CENPP: variants seen among roughly 807,000 people sequenced by gnomAD.
CENPP encodes centromere protein P.
Under a neutral mutation model 35.6 loss-of-function variants are expected in CENPP, and 24 were observed. The ratio of observed to expected loss-of-function variants is 0.67; its 90% CI spans 0.49 to 0.95. The LOEUF is 0.95. Ranked by LOEUF, CENPP falls within the 40% of genes least tolerant of loss-of-function variation. CENPP has a pLI of 0.00. For synonymous variants in CENPP, 120 were observed against 125.5 expected (o/e 0.96, Z 0.29); for missense variants, 332 against 345.3 (o/e 0.96, Z 0.31).
In CENPP at chr9:92,336,305, A is replaced by G. The variant is rs558353438; in HGVS notation, c.290-1236A>G. ...TTGTACCATTCTGTCTTTTTTTCCT[A>G]ACTACTTATTGAACAAATCTTTAAC... On this transcript the variant is annotated intron_variant, in intron 2 of 7. Coordinates refer to ENST00000375587, the MANE Select transcript of CENPP (RefSeq NM_001012267.3). 3.3e-5 allele frequency among the ~76,000 whole-genome samples: 5 copies of G among 152,178 alleles called. 1 individual carries two copies. Among genetic ancestry groups the G allele is most frequent in the Admixed American group, 2.0e-4 (3 of 15,292 alleles).
intron 5 of CENPP, among the ~76,000 whole-genome samples, chr9:92,502,319 C>T (rs766317963): frequency 2.0e-5 from 3 of 152,092 alleles, no homozygotes; most frequent in Non-Finnish European, 4.4e-5. Context: ...AGTCATGCAG[C>T]GCACAGGTTG....
At chr9:92,412,167 A>G (rs1435646680) in intron 5 of CENPP, among the ~76,000 whole-genome samples, 2 of 152,006 alleles carry the variant, frequency 1.3e-5, no homozygotes, top group Admixed American at 6.6e-5. Context: ...GCTCACTGCA[A>G]CCTTGGTCTC....
intron 5 of CENPP, among the ~76,000 whole-genome samples, chr9:92,382,030 C>A (rs1236462221): frequency 6.6e-6 from 1 of 150,558 alleles, no homozygotes; most frequent in Non-Finnish European, 1.5e-5. Flanking sequence ...ATTTGTATAT[C>A]TTTGAGGAAA....
At chr9:92,540,167 G>A (rs994257925) in intron 5 of CENPP, among the ~76,000 whole-genome samples, 5 of 152,172 alleles carry the variant, frequency 3.3e-5, no homozygotes, top group African/African-American at 1.2e-4. Context: ...AGCCGGGCGC[G>A]GTGCCTCATG....
At chr9:92,410,863 A>C (rs866618229) in intron 5 of CENPP, among the ~76,000 whole-genome samples, 7 of 152,192 alleles carry the variant, frequency 4.6e-5, no homozygotes, top group Non-Finnish European at 8.8e-5. Flanking sequence ...TATGGAAACC[A>C]TCTTTTTTAA....
rs777372135 is a variant in CENPP at position 92,615,909 on chromosome 9, G to A, written c.*2760G>A. 3.0e-5 allele frequency: 48 copies of A among 1,614,012 alleles called. No homozygotes were observed. The South Asian group carries it at 3.3e-4, about 11-fold the overall frequency. On this transcript the variant is annotated 3_prime_UTR_variant, in exon 8 of 8. Coordinates refer to ENST00000375587, the MANE Select transcript of CENPP (RefSeq NM_001012267.3). ...GACATCACGGCGTTGTCTTTGGCACGTACAGTCTTTGAATAATAGTTGACG... is the reference window on the plus strand; with the variant it reads ...GACATCACGGCGTTGTCTTTGGCACATACAGTCTTTGAATAATAGTTGACG...
chr9:92,344,855 G>C (rs978369792), intron 3 of CENPP, among the ~76,000 whole-genome samples: 6 of 149,090 alleles, frequency 4.0e-5, no homozygotes, highest in Admixed American at 4.0e-4. Flanking sequence ...GCCAGTCTTT[G>C]CTCATCTTAT....
chr9:92,385,515 G>T, intron 5 of CENPP: 2 of 938,310 alleles, frequency 2.1e-6, no homozygotes, highest in South Asian at 1.9e-5. Flanking sequence ...CCTTCAAAAT[G>T]AGATACAAGG....
chr9:92,424,577 T>G (rs1470124007), intron 5 of CENPP: 1 of 152,248 alleles, frequency 6.6e-6, no homozygotes, highest in Non-Finnish European at 1.5e-5. Flanking sequence ...TACTGATTAC[T>G]GTTTTTATTT....
chr9:92,514,770 C>A (rs41280067), intron 5 of CENPP: 3 of 1,613,978 alleles, frequency 1.9e-6, no homozygotes, highest in African/African-American at 1.3e-5. Context: ...GAGCAGGAAG[C>A]GGGGATCGAG....
In CENPP at chr9:92,337,606, G is replaced by C. The variant is rs1300763818; in HGVS notation, c.355G>C (p.Glu119Gln). 8.1e-6 allele frequency: 13 copies of C among 1,603,860 alleles called. No homozygotes were observed. Among genetic ancestry groups the C allele is most frequent in the Non-Finnish European group, 1.1e-5 (13 of 1,170,784 alleles). Residue 119 changes from glutamate (E) to glutamine (Q), a missense_variant, in exon 3 of 8, where the codon GAA (glutamate) becomes CAA (glutamine). Transcript: ENST00000375587. ...GNCHMVTFQL[E>Q]FQILEIQNKE... ...TTGCCACATGGTTACATTTCAACTTGAATTTCAGATTCTGGAAATTCAGGT... is the reference window on the plus strand; with the variant it reads ...TTGCCACATGGTTACATTTCAACTTCAATTTCAGATTCTGGAAATTCAGGT...
chr9:92,504,713 A>G (rs1332254711), intron 5 of CENPP, among the ~76,000 whole-genome samples: 1 of 151,532 alleles, frequency 6.6e-6, no homozygotes, highest in Non-Finnish European at 1.5e-5. Flanking sequence ...TTTTTTTAAT[A>G]TATCTTTTAG....
intron 5 of CENPP, among the ~76,000 whole-genome samples, chr9:92,505,852 T>G (rs184204322): frequency 6.6e-6 from 1 of 152,302 alleles, no homozygotes; most frequent in East Asian, 1.9e-4. Context: ...TTAAGTACTT[T>G]GTACATCCCA....
intron 5 of CENPP, chr9:92,386,256 G>A (rs767463128): frequency 6.2e-7 from 1 of 1,613,590 alleles, no homozygotes; most frequent in Admixed American, 1.7e-5. Context: ...GGATTCCAGG[G>A]CATTATGGTC....
At chr9:92,398,196 G>A (rs1250814140) in intron 5 of CENPP, among the ~76,000 whole-genome samples, 4 of 152,152 alleles carry the variant, frequency 2.6e-5, no homozygotes, top group Admixed American at 1.3e-4. Flanking sequence ...GGAAAATGCT[G>A]TGTTTAACAG....
intron 5 of CENPP, among the ~76,000 whole-genome samples, chr9:92,537,832 A>G (rs182460389): frequency 1.3e-5 from 2 of 152,326 alleles, no homozygotes; most frequent in Admixed American, 6.5e-5. Context: ...TTTTTTCACT[A>G]CCATAGTGAG....
chr9:92,418,166 A>C (rs1265618235), intron 5 of CENPP, among the ~76,000 whole-genome samples: 3 of 150,626 alleles, frequency 2.0e-5, no homozygotes, highest in Non-Finnish European at 4.4e-5. Context: ...GGCTCACTGC[A>C]GCCTCCACCT....
chr9:92,349,409 ATT>A (rs1170639289), intron 4 of CENPP, among the ~76,000 whole-genome samples: 1 of 136,062 alleles, frequency 7.3e-6, no homozygotes. Context: ...TTTTTTTTTT[ATT>A]TTTTTTTTTT....
chr9:92,550,028 A>C (rs1849555184), intron 5 of CENPP, among the ~76,000 whole-genome samples: 1 of 152,220 alleles, frequency 6.6e-6, no homozygotes. Flanking sequence ...TGTACTCAGC[A>C]TGATAACAGA....
Sources: gnomAD v4.1 joint callset for allele counts (sites outside exome capture counted in the v4.1 genomes callset) on GRCh38, gnomAD v4.1.1 for gene constraint, MANE v1.5 for transcripts, NCBI Gene and HGNC (gene_info 2026-07-23, HGNC 2026-07-21) for gene names.